The following CCSER1 variants were observed in gnomAD, a reference collection of about 807,000 sequenced individuals.
CCSER1 encodes the protein serine-rich coiled-coil domain-containing protein 1.
A neutral mutation model predicts 82.0 loss-of-function variants in CCSER1; 41 were observed. The ratio of observed to expected loss-of-function variants is 0.50; its 90% CI spans 0.39 to 0.65. CCSER1 has a LOEUF of 0.65. Ranked by LOEUF, CCSER1 falls within the 30% of genes least tolerant of loss-of-function variation. The pLI is 0.00. For synonymous variants in CCSER1, 414 were observed against 383.9 expected (o/e 1.08, Z -0.92); for missense variants, 1,119 against 1,064.2 (o/e 1.05, Z -0.72).
At chr4:90,221,584 C>T (rs1289705043) in intron 1 of CCSER1, among the ~76,000 whole-genome samples, 2 of 152,104 alleles carry the variant, frequency 1.3e-5, no homozygotes, top group African/African-American at 2.4e-5. Flanking sequence ...CTGATCAAAC[C>T]TCAAAACATA....
chr4:90,995,014 C>A (rs1737367902), intron 9 of CCSER1, among the ~76,000 whole-genome samples: 1 of 152,156 alleles, frequency 6.6e-6, no homozygotes. Flanking sequence ...ATCTGACATG[C>A]TTTCCATTCT....
chr4:90,990,855 T>C (rs1463621680), intron 9 of CCSER1, among the ~76,000 whole-genome samples: 1 of 151,906 alleles, frequency 6.6e-6, no homozygotes, highest in Non-Finnish European at 1.5e-5. Context: ...AAAACAGACC[T>C]GGGGTTGAGT....
At chr4:90,375,396 GGA>G (rs1326212000) in intron 3 of CCSER1, among the ~76,000 whole-genome samples, 5 of 152,096 alleles carry the variant, frequency 3.3e-5, no homozygotes, top group African/African-American at 1.2e-4. Flanking sequence ...TACTAGAATG[GGA>G]CACATGGGTT....
At chr4:90,758,257 C>T (rs892341508) in intron 7 of CCSER1, among the ~76,000 whole-genome samples, 14 of 152,132 alleles carry the variant, frequency 9.2e-5, no homozygotes, top group African/African-American at 3.4e-4. Context: ...AGACCCTATG[C>T]TCCTATTAAG....
At chr4:91,058,612 G>T (rs1162056230) in intron 9 of CCSER1, among the ~76,000 whole-genome samples, 1 of 151,776 alleles carries the variant, frequency 6.6e-6, no homozygotes, top group African/African-American at 2.4e-5. Flanking sequence ...TTCATCCTCA[G>T]GAGTCTTATC....
At chr4:90,392,028 C>G (rs142313357) in intron 3 of CCSER1, among the ~76,000 whole-genome samples, 1 of 151,944 alleles carries the variant, frequency 6.6e-6, no homozygotes, top group Non-Finnish European at 1.5e-5. Context: ...GGTTTAGAAT[C>G]AAGGAGATGG....
At chr4:90,247,415 T>C (rs6853618) in intron 1 of CCSER1, among the ~76,000 whole-genome samples, 6,819 of 152,172 alleles carry the variant, frequency 0.045, 396 homozygotes, top group African/African-American at 0.13. Flanking sequence ...AGATAGAAAA[T>C]ATAACAAGAA....
chr4:91,113,850 AT>A (rs34946872), intron 10 of CCSER1, among the ~76,000 whole-genome samples: 53,193 of 145,970 alleles, frequency 0.36, 9,151 homozygotes, highest in East Asian at 0.45. Context: ...TGATATCTAC[AT>A]TTTTTTTTTT....
chr4:91,389,288 G>T (rs1049100623), intron 10 of CCSER1, among the ~76,000 whole-genome samples: 4 of 151,724 alleles, frequency 2.6e-5, no homozygotes, highest in Non-Finnish European at 4.4e-5. Context: ...TTTGTTTTTT[G>T]CATGTGGTTG....
At chr4:90,847,223 T>C (rs1234427350) in intron 8 of CCSER1, among the ~76,000 whole-genome samples, 1 of 152,206 alleles carries the variant, frequency 6.6e-6, no homozygotes, top group Non-Finnish European at 1.5e-5. Flanking sequence ...ATTATACTTT[T>C]CTGGGACATA....
intron 10 of CCSER1, among the ~76,000 whole-genome samples, chr4:91,094,092 G>A (rs2870295): frequency 0.66 from 100,925 of 152,064 alleles, 33,990 homozygotes; most frequent in East Asian, 0.95. Context: ...TCCAGGTGTC[G>A]AAGCAGGGCA....
intron 7 of CCSER1, among the ~76,000 whole-genome samples, chr4:90,755,277 T>C (rs866294124): frequency 2.6e-5 from 4 of 152,268 alleles, no homozygotes; most frequent in Middle Eastern, 3.4e-3. Flanking sequence ...GCCAGATATA[T>C]GTGTTTTTTG....
chr4:90,487,889 C>T (rs1392230484), intron 5 of CCSER1, among the ~76,000 whole-genome samples: 2 of 152,144 alleles, frequency 1.3e-5, no homozygotes, highest in South Asian at 2.1e-4. Context: ...ATCTGCCCAC[C>T]TTGGCTTCCC....
intron 4 of CCSER1, among the ~76,000 whole-genome samples, chr4:90,457,543 C>T (rs1762346182): frequency 6.6e-6 from 1 of 152,174 alleles, no homozygotes; most frequent in Admixed American, 6.5e-5. Flanking sequence ...CTTCTTTCAA[C>T]AGGCAGATCA....
intron 10 of CCSER1, among the ~76,000 whole-genome samples, chr4:91,373,330 C>T (rs992492330): frequency 2.6e-5 from 4 of 152,140 alleles, no homozygotes; most frequent in Non-Finnish European, 2.9e-5. Flanking sequence ...GTATCAACCC[C>T]GCCTCGAGCA....
At chr4:91,231,922 C>G (rs1344884306) in intron 10 of CCSER1, among the ~76,000 whole-genome samples, 1 of 151,648 alleles carries the variant, frequency 6.6e-6, no homozygotes, top group Non-Finnish European at 1.5e-5. Flanking sequence ...ATAAATGCAT[C>G]CTAAGTTGAG....
intron 8 of CCSER1, among the ~76,000 whole-genome samples, chr4:90,922,570 G>A (rs1020413263): frequency 6.6e-6 from 1 of 152,044 alleles, no homozygotes; most frequent in Non-Finnish European, 1.5e-5. Context: ...ACTGTCTCAA[G>A]TTACTTAAAC....
At chr4:91,102,967 AT>A (rs1004884513) in intron 10 of CCSER1, among the ~76,000 whole-genome samples, 22 of 152,174 alleles carry the variant, frequency 1.4e-4, no homozygotes, top group African/African-American at 4.8e-4. Context: ...TCATAGTAAG[AT>A]TTTTTTTCTG....
chr4:91,395,076 T>C (rs1279789997), intron 10 of CCSER1, among the ~76,000 whole-genome samples: 2 of 152,106 alleles, frequency 1.3e-5, no homozygotes, highest in South Asian at 2.1e-4. Flanking sequence ...TTTTGAAAGA[T>C]GAAACTTTCA....
Sources: gnomAD v4.1 joint callset for allele counts (sites outside exome capture counted in the v4.1 genomes callset) on GRCh38, gnomAD v4.1.1 for gene constraint, MANE v1.5 for transcripts, NCBI Gene and HGNC (gene_info 2026-07-23, HGNC 2026-07-21) for gene names.